The following GINM1 variants were observed in gnomAD, a reference collection of about 807,000 sequenced individuals.
The protein encoded by GINM1 is glycoprotein integral membrane protein 1.
In GINM1, 29 loss-of-function variants were observed where a neutral mutation model predicts 37.8. That is an observed-to-expected ratio of 0.77 (90% CI 0.57 to 1.05). The LOEUF (loss-of-function observed/expected upper bound fraction) is 1.05. Ranked by LOEUF, GINM1 falls within the 50% of genes least tolerant of loss-of-function variation. GINM1 has a pLI of 0.00. For missense variants in GINM1, 377 were observed against 397.9 expected, an observed-to-expected ratio of 0.95 and a Z score of 0.45; for synonymous variants, 143 against 146.2, an observed-to-expected ratio of 0.98 and a Z score of 0.16.
chr6:149,590,627 T>C (rs1778140092), intron 7 of GINM1, 100 bp from the exon 8 acceptor site: 9 of 629,398 alleles, frequency 1.4e-5, no homozygotes, highest in Non-Finnish European at 2.5e-5. Context: ...CACCTAACCT[T>C]AGGTGTATAT....
rs1291025633 is a variant in GINM1 at position 149,582,608 on chromosome 6, G to A, written c.881+5G>A. 2 of 1,534,900 alleles carry A rather than the reference G, an allele frequency of 1.3e-6. No individual in the cohort carries two copies. Among genetic ancestry groups the A allele is most frequent in the East Asian group, 4.6e-5 (2 of 43,544 alleles). ...TTTCCCAGTTTCTGAATACAAGTAA[G>A]TATTTCTTATTTTTGAAATGTTAGT... On this transcript the variant is annotated splice_donor_5th_base_variant and intron_variant, in intron 7 of 7. Transcript: ENST00000367419.
chr6:149,590,775 CA>C lies in GINM1; in HGVS notation c.932del (p.Asn311ThrfsTer61). On this transcript the variant is annotated frameshift_variant, in exon 8 of 8. Transcript: ENST00000367419. LOFTEE classifies it high-confidence loss of function. ...KVDVIPVTAINLYPDGPEKRA... is the reference protein window; with the variant it reads ...KVDVIPVTAIXLYPDGPEKRA... ...TGGACGTCATACCTGTGACAGCTAT[CA>C]ACTTATATCCAGATGGTCCAGAGAA... The C allele has an allele frequency of 6.2e-7, 1 of 1,605,278 alleles. No individual in the cohort carries two copies. Among genetic ancestry groups the C allele is most frequent in the Non-Finnish European group, 8.5e-7 (1 of 1,172,406 alleles).
chr6:149,568,236 C>T (rs1302526856), intron 1 of GINM1, among the ~76,000 whole-genome samples: 1 of 152,216 alleles, frequency 6.6e-6, no homozygotes, highest in Non-Finnish European at 1.5e-5. Context: ...GTTAACATAG[C>T]AAGAGCCTGT....
At position 149,590,199 on chromosome 6, in the gene GINM1, A is replaced by G. The variant is rs115753542; in HGVS notation, c.882-528A>G. The stretch of plus-strand genomic sequence containing the variant: ...AAAAAAATCTTATGGCTGTTCTTGC[A>G]GTTACTCCCCTGTGAACTTTAGAAT... On this transcript the variant is annotated intron_variant, in intron 7 of 7. Coordinates refer to ENST00000367419, the MANE Select transcript of GINM1 (RefSeq NM_138785.5). 2.9e-3 allele frequency among the ~76,000 whole-genome samples: 434 copies of G among 152,270 alleles called. 1 individual carries two copies. Among genetic ancestry groups the G allele is most frequent in the African/African-American group, 9.9e-3 (411 of 41,510 alleles).
rs1582740949 is a variant in GINM1, at chr6:149,591,479, T to C, written c.*641T>C. On this transcript the variant is annotated 3_prime_UTR_variant, in exon 8 of 8. Coordinates refer to ENST00000367419, the MANE Select transcript of GINM1 (RefSeq NM_138785.5). ...AGGTGCCTTTGTTAAGGAAATTATATCCACTTAATTACTATAATATATAAG... is the reference window on the plus strand; with the variant it reads ...AGGTGCCTTTGTTAAGGAAATTATACCCACTTAATTACTATAATATATAAG... 6.6e-6 allele frequency: 1 copy of C among 152,044 alleles called. No homozygotes were observed. Among genetic ancestry groups the C allele is most frequent in the Non-Finnish European group, 1.5e-5 (1 of 68,010 alleles). 9.4% of individuals were successfully genotyped at this position (152,044 alleles called of 1,614,324 possible).
At chr6:149,569,331 C>T (rs966304803) in intron 1 of GINM1, among the ~76,000 whole-genome samples, 6 of 140,192 alleles carry the variant, frequency 4.3e-5, no homozygotes, top group Admixed American at 2.4e-4. Context: ...CCACTGCGCC[C>T]GGTCACTTTT....
At position 149,582,500 on chromosome 6, in the gene GINM1, T is replaced by G. The variant is rs1406808090; in HGVS notation, c.778T>G (p.Phe260Val). 6.2e-7 allele frequency: 1 copy of G among 1,612,594 alleles called. No individual in the cohort carries two copies. The highest frequency in any genetic ancestry group is 1.3e-5 in the African/African-American group (1 of 74,910). The change falls in exon 7 of 8, where the codon TTC (phenylalanine) becomes GTC (valine). Residue 260 changes from phenylalanine to valine, a missense_variant. Coordinates refer to ENST00000367419, the MANE Select transcript of GINM1 (RefSeq NM_138785.5). ...KDLCRFWSNV[F>V]PVFFQFLNIM... ...TCTGTGTAGGTTCTGGAGCAACGTT[T>G]TCCCAGTATTCTTTCAGTTTTTGAA...
chr6:149,569,337 CTTTT>C (rs372296900), intron 1 of GINM1, among the ~76,000 whole-genome samples: 1 of 123,852 alleles, frequency 8.1e-6, no homozygotes. Flanking sequence ...CGCCCGGTCA[CTTTT>C]TTTTTTTTTT....
At position 149,566,522 on chromosome 6, in the gene GINM1, C is replaced by T; in HGVS notation, c.108C>T (p.Ser36=). ...GCGCCCCCGAGCCGCCGCCGCTGTC[C>T]GGAGCCCCACAGGTAGGGCAGGGCG... ...TTGAPEPPPL[S]GAPQDGIRIN... is the part of the protein sequence containing the mutation. The change falls in exon 1 of 8, where the codon TCC becomes TCT. Residue 36 remains serine (S), a synonymous_variant. Transcript: ENST00000367419. This position sits in a 1 kb window ranked among gnomAD's most constrained non-coding sequence, Gnocchi z 4.4. 1 of 1,526,612 alleles carries T rather than the reference C, an allele frequency of 6.6e-7. No individual in the cohort carries two copies. The highest frequency in any genetic ancestry group is 1.2e-5 in the South Asian group (1 of 82,818). 94.6% of individuals were successfully genotyped at this position (1,526,612 alleles called of 1,614,324 possible). A position where few individuals can be genotyped will look rare whatever the true frequency, so the allele number is the denominator to read the frequency against.
intron 3 of GINM1, among the ~76,000 whole-genome samples, chr6:149,573,088 C>T (rs556933940): frequency 1.3e-3 from 195 of 152,112 alleles, no homozygotes; most frequent in Middle Eastern, 3.4e-3. Flanking sequence ...TTTGGGAGGC[C>T]GAGGTGGGCA....
chr6:149,574,429 GA>G lies in GINM1; in HGVS notation c.277+1827del, dbSNP rs201039197. 8.7e-3 allele frequency among the ~76,000 whole-genome samples: 1,329 copies of G among 152,206 alleles called. 9 individuals are homozygous for G. Among genetic ancestry groups the G allele is most frequent in the Non-Finnish European group, 0.014 (929 of 68,004 alleles). ...ATTAATAAAATTACTGATACATTTG[GA>G]TTTAAATCCTCCTTCTTGTTTCCTC... On this transcript the variant is annotated intron_variant, in intron 3 of 7. Transcript: ENST00000367419.
intron 1 of GINM1, among the ~76,000 whole-genome samples, chr6:149,569,986 G>C (rs1426370648): frequency 2.0e-5 from 3 of 151,716 alleles, no homozygotes; most frequent in East Asian, 3.9e-4. Context: ...CTCCTGGCCA[G>C]GGGGCAGTAA....
At chr6:149,571,125 C>T (rs887669374) in intron 1 of GINM1, among the ~76,000 whole-genome samples, 3 of 151,984 alleles carry the variant, frequency 2.0e-5, no homozygotes, top group Non-Finnish European at 4.4e-5. Context: ...ACCAGCCTGA[C>T]CAACGTGGTG....
At chr6:149,567,137 C>G (rs924789333) in intron 1 of GINM1, among the ~76,000 whole-genome samples, 3 of 152,168 alleles carry the variant, frequency 2.0e-5, no homozygotes, top group African/African-American at 7.2e-5. Flanking sequence ...GGACTCAGCC[C>G]GGCCTCTGGG....
chr6:149,568,101 A>G (rs552732431), intron 1 of GINM1, among the ~76,000 whole-genome samples: 18 of 152,310 alleles, frequency 1.2e-4, no homozygotes, highest in Non-Finnish European at 2.4e-4. Context: ...GAAAGTCCAG[A>G]TCTAAACTCG....
At chr6:149,576,863 G>A (rs1219128638) in intron 3 of GINM1, among the ~76,000 whole-genome samples, 1 of 152,182 alleles carries the variant, frequency 6.6e-6, no homozygotes, top group Non-Finnish European at 1.5e-5. Flanking sequence ...CTGAGACTGG[G>A]TAATTTATAA....
chr6:149,578,425 C>T (rs999401778), intron 3 of GINM1, among the ~76,000 whole-genome samples: 4 of 149,580 alleles, frequency 2.7e-5, no homozygotes, highest in African/African-American at 9.9e-5. Context: ...ACTTGGGAGG[C>T]TGAGGCAGGA....
At position 149,572,559 on chromosome 6, in the gene GINM1, C is replaced by T. The variant is rs1202492778; in HGVS notation, c.233C>T (p.Pro78Leu). 11 of 1,607,478 alleles carry T rather than the reference C, an allele frequency of 6.8e-6. No homozygotes were observed. Among genetic ancestry groups the T allele is most frequent in the Non-Finnish European group, 9.4e-6 (11 of 1,174,980 alleles). ...ESGQVYVNDL[P>L]VNSGVTRISC... ...GGACAGGTGTATGTAAATGACTTAC[C>T]TGTAAATAGTGGTGTAACCCGAATA... The change falls in exon 3 of 8, where the codon CCT becomes CTT. Residue 78 changes from proline to leucine, a missense_variant. Pro to Leu is a moderately conservative substitution (Grantham distance 98). Coordinates refer to ENST00000367419, the MANE Select transcript of GINM1 (RefSeq NM_138785.5).
At chr6:149,567,662 C>G (rs975026265) in intron 1 of GINM1, among the ~76,000 whole-genome samples, 13 of 151,978 alleles carry the variant, frequency 8.6e-5, no homozygotes, top group African/African-American at 3.1e-4. Context: ...ACAAAAAAAC[C>G]AAGTGTTAAC....
Sources: gnomAD v4.1 joint callset for allele counts (sites outside exome capture counted in the v4.1 genomes callset) on GRCh38, gnomAD v4.1.1 for gene constraint, Gnocchi (gnomAD v3.1) non-coding constraint, MANE v1.5 for transcripts, NCBI Gene and HGNC (gene_info 2026-07-23, HGNC 2026-07-21) for gene names.